Variants in SLC39A11 observed in about 807,000 individuals in gnomAD.
The protein encoded by SLC39A11 is zinc transporter ZIP11.
SLC39A11 carries 33 observed loss-of-function variants against 36.1 expected under a neutral mutation model. That is an observed-to-expected ratio of 0.91 (90% CI 0.69 to 1.22). The LOEUF (loss-of-function observed/expected upper bound fraction) is 1.22, where lower values mean the gene tolerates loss of function less well. Ranked by LOEUF, SLC39A11 falls within the 50% of genes most tolerant of loss-of-function variation. SLC39A11 has a pLI of 0.00. For synonymous variants in SLC39A11, 166 were observed against 170.3 expected, an observed-to-expected ratio of 0.97 and a Z score of 0.20; for missense variants, 432 against 430.3, an observed-to-expected ratio of 1.00 and a Z score of -0.03.
chr17:72,648,628 T>C (rs2069692928), intron 9 of SLC39A11, among the ~76,000 whole-genome samples, 175 bp downstream of exon 9: 1 of 152,112 alleles, frequency 6.6e-6, no homozygotes, highest in Admixed American at 6.6e-5. Context: ...CCTTAGCTTC[T>C]TTTCTTTTAG....
At chr17:73,005,596 C>A (rs2090134417) in intron 4 of SLC39A11, among the ~76,000 whole-genome samples, 1 of 152,190 alleles carries the variant, frequency 6.6e-6, no homozygotes, top group Non-Finnish European at 1.5e-5. Context: ...CCCGCTCCAG[C>A]CACCTAGGGA....
chr17:73,047,991 A>AAAAAAAATATATT (rs2059370556), intron 3 of SLC39A11, among the ~76,000 whole-genome samples: 3 of 35,966 alleles, frequency 8.3e-5, no homozygotes, highest in Non-Finnish European at 1.4e-4. Context: ...AAAAAAAAAA[A>AAAAAAAATATATT]TATATATATA....
chr17:72,894,684 A>AAC (rs2081944388), intron 5 of SLC39A11, among the ~76,000 whole-genome samples: 1 of 151,692 alleles, frequency 6.6e-6, no homozygotes. Context: ...AAAAAAAAAA[A>AAC]AAATTCTAGA....
chr17:72,690,237 C>T (rs2071962225), intron 7 of SLC39A11, among the ~76,000 whole-genome samples: 1 of 152,210 alleles, frequency 6.6e-6, no homozygotes, highest in Admixed American at 6.5e-5. Flanking sequence ...AGGCATGTGC[C>T]TGTGTTGGTG....
chr17:72,681,086 G>A (rs1378280473), intron 7 of SLC39A11, among the ~76,000 whole-genome samples: 1 of 152,090 alleles, frequency 6.6e-6, no homozygotes, highest in East Asian at 1.9e-4. Flanking sequence ...GGGATTACAG[G>A]CACACAACAC....
At chr17:72,949,150 T>TTTTTTTTTC (rs2085670945) in intron 4 of SLC39A11, among the ~76,000 whole-genome samples, 1 of 84,820 alleles carries the variant, frequency 1.2e-5, no homozygotes, top group Non-Finnish European at 1.9e-5. Flanking sequence ...GCAGCTTTTT[T>TTTTTTTTTC]TTTTTTTTTT....
intron 6 of SLC39A11, among the ~76,000 whole-genome samples, chr17:72,800,303 ATTTTT>A (rs34172959): frequency 1.1e-5 from 1 of 90,362 alleles, no homozygotes; most frequent in Non-Finnish European, 2.3e-5. Context: ...ACCTACAATA[ATTTTT>A]TTTTTTTTTT....
intron 7 of SLC39A11, among the ~76,000 whole-genome samples, chr17:72,656,826 ATATGTT>A (rs2070146440): frequency 6.6e-6 from 1 of 152,120 alleles, no homozygotes; most frequent in Admixed American, 6.5e-5. Flanking sequence ...ATTTCCTATT[ATATGTT>A]TATTTTTATT....
rs549603458 is a variant in SLC39A11, at chr17:72,950,351, G to A, written c.307-2476C>T. Reference sequence around the variant, plus strand: ...AAAGGCAGCTGCCCTGCAGTATCACGGTTAAGGTAGACCTACAGATGGCCA... The same window carrying A: ...AAAGGCAGCTGCCCTGCAGTATCACAGTTAAGGTAGACCTACAGATGGCCA... On this transcript the variant is annotated intron_variant, in intron 4 of 9. Coordinates refer to ENST00000255559, the MANE Select transcript of SLC39A11 (RefSeq NM_139177.4). Among the ~76,000 whole-genome samples, 52 of 152,264 alleles carry A rather than the reference G, an allele frequency of 3.4e-4. 1 individual carries two copies. Among genetic ancestry groups the A allele is most frequent in the Middle Eastern group, 6.8e-3 (2 of 294 alleles).
chr17:72,674,393 T>C (rs958211853), intron 7 of SLC39A11, among the ~76,000 whole-genome samples: 7 of 152,260 alleles, frequency 4.6e-5, no homozygotes, highest in African/African-American at 1.7e-4. Context: ...TTTTGATGGC[T>C]ATATACTAAT....
intron 5 of SLC39A11, among the ~76,000 whole-genome samples, chr17:72,883,134 T>A (rs2081287783): frequency 6.6e-6 from 1 of 152,136 alleles, no homozygotes; most frequent in South Asian, 2.1e-4. Flanking sequence ...TGAGGGTTCA[T>A]CACGCAGTCC....
intron 6 of SLC39A11, among the ~76,000 whole-genome samples, chr17:72,837,047 G>A (rs1273114814): frequency 2.0e-5 from 3 of 152,208 alleles, no homozygotes; most frequent in African/African-American, 7.2e-5. Context: ...GCAAGTCGGG[G>A]CCCTGGTCTC....
chr17:72,870,985 G>A (rs1039066005), intron 5 of SLC39A11, among the ~76,000 whole-genome samples: 13 of 151,966 alleles, frequency 8.6e-5, no homozygotes, highest in African/African-American at 2.9e-4. Flanking sequence ...AGGAATAAAG[G>A]AGAGTCTTTT....
At chr17:73,061,790 T>C (rs1033438816) in intron 3 of SLC39A11, among the ~76,000 whole-genome samples, 1 of 150,996 alleles carries the variant, frequency 6.6e-6, no homozygotes, top group African/African-American at 2.4e-5. Context: ...TGCTCAGGAG[T>C]TCAAGACTAG....
At chr17:72,960,380 T>C (rs1023977145) in intron 4 of SLC39A11, among the ~76,000 whole-genome samples, 1 of 152,222 alleles carries the variant, frequency 6.6e-6, no homozygotes, top group East Asian at 1.9e-4. Flanking sequence ...GCCTCTTGTA[T>C]ACATAGGTAG....
chr17:72,776,290 C>T (rs2076127874), intron 6 of SLC39A11, among the ~76,000 whole-genome samples: 1 of 152,188 alleles, frequency 6.6e-6, no homozygotes, highest in Non-Finnish European at 1.5e-5. Context: ...CAGGATCATG[C>T]AGGGCAAGCA....
chr17:72,839,871 G>T (rs6501568), intron 6 of SLC39A11, among the ~76,000 whole-genome samples: 151,677 of 152,342 alleles, frequency 1, 75,511 homozygotes, highest in Middle Eastern at 1. Flanking sequence ...GTCTGATGCA[G>T]CTGGAGTGAG....
At chr17:72,697,448 T>A (rs1051897308) in intron 7 of SLC39A11, among the ~76,000 whole-genome samples, 7 of 152,192 alleles carry the variant, frequency 4.6e-5, no homozygotes, top group Non-Finnish European at 1.0e-4. Flanking sequence ...TATCTTCAAT[T>A]TGCTCCCAGT....
At chr17:72,998,161 G>A (rs937734796) in intron 4 of SLC39A11, among the ~76,000 whole-genome samples, 1 of 152,156 alleles carries the variant, frequency 6.6e-6, no homozygotes, top group African/African-American at 2.4e-5. Flanking sequence ...CCTCAGGTTC[G>A]ATACTATCCA....
Sources: gnomAD v4.1 joint callset for allele counts (sites outside exome capture counted in the v4.1 genomes callset) on GRCh38, gnomAD v4.1.1 for gene constraint, MANE v1.5 for transcripts, NCBI Gene and HGNC (gene_info 2026-07-23, HGNC 2026-07-21) for gene names.